Variants in MANBA observed in about 807,000 individuals in gnomAD.
MANBA encodes the protein beta-mannosidase.
A neutral mutation model predicts 111.1 loss-of-function variants in MANBA; 83 were observed. The observed-to-expected ratio is 0.75, with a 90% CI of 0.63 to 0.90. The LOEUF is 0.90. Among genes scored for constraint, MANBA ranks in the 40% least tolerant of loss-of-function variants. The pLI, the probability that MANBA is intolerant of heterozygous loss-of-function variation, is 0.00. For synonymous variants in MANBA, 370 were observed against 378.7 expected, an observed-to-expected ratio of 0.98 and a Z score of 0.27; for missense variants, 1,036 against 1,069.0, an observed-to-expected ratio of 0.97 and a Z score of 0.43.
In MANBA at chr4:102,632,075, G is replaced by A; in HGVS notation, c.2622C>T (p.Ser874=). 1.2e-6 allele frequency: 2 copies of A among 1,602,992 alleles called. No homozygotes were observed. The highest frequency in any genetic ancestry group is 2.1e-4 in the Middle Eastern group (1 of 4,772). The change falls in exon 17 of 17, where the codon TCC becomes TCT. Residue 874 remains serine, a synonymous_variant. Coordinates refer to ENST00000647097, the MANE Select transcript of MANBA (RefSeq NM_005908.4). ...NELEQSFHVT[S]LTDIY ...GATTCCTTCAGTAAATATCTGTTAA[G>A]GAGGTCACATGAAAAGATTGCTCCA...
At chr4:102,684,945 T>C (rs1288048313) in intron 7 of MANBA, among the ~76,000 whole-genome samples, 8 of 152,200 alleles carry the variant, frequency 5.3e-5, no homozygotes, top group African/African-American at 1.9e-4. Flanking sequence ...CAGTTGACCA[T>C]GGGTAACTGA....
chr4:102,737,605 C>A (rs62327229), intron 1 of MANBA, among the ~76,000 whole-genome samples: 3,136 of 152,252 alleles, frequency 0.021, 66 homozygotes, highest in Non-Finnish European at 0.028. Flanking sequence ...GCCTCAGCCT[C>A]CTGAGTAGCT....
intron 7 of MANBA, among the ~76,000 whole-genome samples, chr4:102,678,738 A>C (rs2110231091): frequency 6.6e-6 from 1 of 152,342 alleles, no homozygotes; most frequent in South Asian, 2.1e-4. Flanking sequence ...TTAAAAGTGC[A>C]GGATAGTTGA....
intron 1 of MANBA, among the ~76,000 whole-genome samples, chr4:102,756,285 C>T (rs1221150036): frequency 2.0e-5 from 3 of 152,144 alleles, no homozygotes; most frequent in Admixed American, 1.3e-4. Context: ...CATGGAATAC[C>T]TTGCAGCCAT....
At chr4:102,754,482 T>C (rs1484138302) in intron 1 of MANBA, among the ~76,000 whole-genome samples, 1 of 152,280 alleles carries the variant, frequency 6.6e-6, no homozygotes, top group Middle Eastern at 3.4e-3. Flanking sequence ...ACATGGTTTA[T>C]AGAAACCTGT....
chr4:102,650,244 G>A (rs1363362871), intron 13 of MANBA, among the ~76,000 whole-genome samples: 1 of 152,100 alleles, frequency 6.6e-6, no homozygotes, highest in East Asian at 1.9e-4. Context: ...TTTATCCTTG[G>A]GAAATGGCAC....
rs764590048 is a variant in MANBA at position 102,657,793 on chromosome 4, T to C, written c.1593A>G (p.Val531=). ...QNPNSNYFGD[V]HFYDYISDCW... ...AATCACTGATATAGTCATAAAAATG[T>C]ACATCACCAAAATAATTGCTATTAG... is the stretch of plus-strand genomic sequence containing the variant. Residue 531 remains valine, a synonymous_variant, in exon 12 of 17, where the codon GTA becomes GTG. Coordinates refer to ENST00000647097, the MANE Select transcript of MANBA (RefSeq NM_005908.4). The C allele has an allele frequency of 3.1e-6, 5 of 1,613,686 alleles. No homozygotes were observed.
At chr4:102,704,992 G>A (rs1480826568) in intron 5 of MANBA, among the ~76,000 whole-genome samples, 1 of 152,158 alleles carries the variant, frequency 6.6e-6, no homozygotes, top group Non-Finnish European at 1.5e-5. Context: ...CTGACTAGCG[G>A]CATCTGGTAT....
At chr4:102,732,449 T>A (rs1350276457) in intron 1 of MANBA, among the ~76,000 whole-genome samples, 1 of 152,194 alleles carries the variant, frequency 6.6e-6, no homozygotes, top group Non-Finnish European at 1.5e-5. Flanking sequence ...AAGAGCCAGA[T>A]GAACACGTTA....
chr4:102,720,313 T>A (rs914608834), intron 4 of MANBA, among the ~76,000 whole-genome samples: 1 of 152,054 alleles, frequency 6.6e-6, no homozygotes, highest in Non-Finnish European at 1.5e-5. Context: ...CAGGCGCCTG[T>A]AGTCCTAGCT....
intron 1 of MANBA, among the ~76,000 whole-genome samples, chr4:102,742,067 A>C (rs1723422960): frequency 6.6e-6 from 1 of 152,138 alleles, no homozygotes; most frequent in Non-Finnish European, 1.5e-5. Flanking sequence ...TATTCCACGC[A>C]TACTCTTCCT....
intron 12 of MANBA, among the ~76,000 whole-genome samples, chr4:102,656,472 C>T (rs889815557): frequency 3.9e-5 from 6 of 152,106 alleles, no homozygotes; most frequent in African/African-American, 1.4e-4. Context: ...TAATCCCTTG[C>T]TGGTAGAAAT....
chr4:102,689,654 C>G lies in MANBA; in HGVS notation c.880G>C (p.Gly294Arg). The G allele has an allele frequency of 6.2e-7, 1 of 1,607,696 alleles. No individual in the cohort carries two copies. Among genetic ancestry groups the G allele is most frequent in the Non-Finnish European group, 8.5e-7 (1 of 1,174,560 alleles). Residue 294 changes from glycine (G) to arginine (R), a missense_variant, in exon 7 of 17, where the codon GGA becomes CGA. Gly to Arg is a moderately radical substitution (Grantham distance 125, BLOSUM62 -2). Transcript: ENST00000647097. ...NITVETWWPH[G>R]HGNQTGYNMT... Reference sequence around the variant, plus strand: ...TTGTACCCAGTCTGGTTTCCATGTCCATGAGGCCACCAAGTTTCTACAGTA... The same window carrying G: ...TTGTACCCAGTCTGGTTTCCATGTCGATGAGGCCACCAAGTTTCTACAGTA...
At position 102,729,990 on chromosome 4, in the gene MANBA, C is replaced by T; in HGVS notation, c.178-3307G>A. The T allele has an allele frequency of 1.0e-5, 9 of 885,118 alleles. No individual in the cohort carries two copies. In the South Asian group the frequency reaches 1.2e-4, roughly 12 times the overall value. 54.8% of individuals were successfully genotyped at this position (885,118 alleles called of 1,614,324 possible). A position where few individuals can be genotyped will look rare whatever the true frequency, so the allele number is the denominator to read the frequency against. On this transcript the variant is annotated intron_variant, in intron 1 of 16. Transcript: ENST00000647097. Reference sequence around the variant, plus strand: ...GTTGACTGTGATGGTGGTGATGCCACCCACGCTGCTGCCCTCACCATAGCC... The same window carrying T: ...GTTGACTGTGATGGTGGTGATGCCATCCACGCTGCTGCCCTCACCATAGCC...
intron 1 of MANBA, chr4:102,752,749 T>C (rs533700621): frequency 8.3e-5 from 31 of 375,296 alleles, no homozygotes; most frequent in South Asian, 5.7e-4. Context: ...GAAATTTATA[T>C]AATGTTTTCA....
intron 13 of MANBA, among the ~76,000 whole-genome samples, chr4:102,647,061 T>C (rs1730136199): frequency 6.6e-6 from 1 of 151,800 alleles, no homozygotes; most frequent in Non-Finnish European, 1.5e-5. Context: ...AGTAGGAACA[T>C]AGAAAGTGGA....
chr4:102,671,206 C>T, intron 9 of MANBA, 75 bp downstream of exon 9: 2 of 949,984 alleles, frequency 2.1e-6, no homozygotes, highest in Non-Finnish European at 3.5e-6. Context: ...GGGGCAATTG[C>T]ATCATTCAGA....
Position 102,723,942 on chromosome 4 carries a change from G to C in MANBA, c.298C>G (p.Leu100Val). The change falls in exon 3 of 17, where the codon CTT (leucine) becomes GTT (valine). Residue 100 changes from leucine to valine, a missense_variant. Coordinates refer to ENST00000647097, the MANE Select transcript of MANBA (RefSeq NM_005908.4). The stretch of plus-strand genomic sequence containing the variant: ...TTTGAAACCGTATCCACTCCCTCAA[G>C]AATCAAATTTACTTTTTGCCATTTG... ...ISKWQKVNLI[L>V]EGVDTVSKIL... The C allele has an allele frequency of 1.9e-6, 3 of 1,609,272 alleles. No individual in the cohort carries two copies. The highest frequency in any genetic ancestry group is 8.5e-7 in the Non-Finnish European group (1 of 1,176,640).
chr4:102,750,014 G>GT (rs796325180), intron 1 of MANBA, among the ~76,000 whole-genome samples: 143 of 151,928 alleles, frequency 9.4e-4, no homozygotes, highest in African/African-American at 1.8e-3. Flanking sequence ...TAAACTATCT[G>GT]TTTTTTTTAA....
Sources: gnomAD v4.1 joint callset for allele counts (sites outside exome capture counted in the v4.1 genomes callset) on GRCh38, gnomAD v4.1.1 for gene constraint, MANE v1.5 for transcripts, NCBI Gene and HGNC (gene_info 2026-07-23, HGNC 2026-07-21) for gene names.